Variants in CD226 observed in about 807,000 individuals in gnomAD.
CD226 encodes CD226 molecule.
A neutral mutation model predicts 34.9 loss-of-function variants in CD226; 24 were observed. The observed-to-expected ratio is 0.69, with a 90% confidence interval of 0.50 to 0.97. CD226 has a LOEUF of 0.97. Ranked by LOEUF, CD226 falls within the 50% of genes least tolerant of loss-of-function variation. CD226 has a pLI of 0.00. For missense variants in CD226, 397 were observed against 412.7 expected (o/e 0.96, Z 0.33); for synonymous variants, 148 against 147.4 (o/e 1.00, Z -0.03).
At chr18:69,888,410 CTTTCTCTTTTTTTT>C (rs1406615926) in intron 3 of CD226, among the ~76,000 whole-genome samples, 1 of 134,126 alleles carries the variant, frequency 7.5e-6, no homozygotes, top group Non-Finnish European at 1.6e-5. Flanking sequence ...TATTTTTTTC[CTTTCTCTTTTTTTT>C]TTTTTTTTTT....
At chr18:69,869,215 G>A (rs893404400) in intron 4 of CD226, among the ~76,000 whole-genome samples, 4 of 152,128 alleles carry the variant, frequency 2.6e-5, no homozygotes, top group African/African-American at 9.7e-5. Context: ...TGTGTTCATT[G>A]CAGCACTATT....
chr18:69,880,248 A>T (rs956382777), intron 3 of CD226, among the ~76,000 whole-genome samples: 5 of 149,378 alleles, frequency 3.3e-5, no homozygotes, highest in African/African-American at 1.2e-4. Context: ...GAAAGGAAGT[A>T]AGGAAGGCGG....
chr18:69,932,815 C>G (rs1056851585), intron 2 of CD226, among the ~76,000 whole-genome samples: 6 of 152,138 alleles, frequency 3.9e-5, no homozygotes, highest in Non-Finnish European at 7.4e-5. Context: ...ACGACCCACT[C>G]CTAGCTCCAC....
chr18:69,958,988 C>T (rs745575612), upstream of CD226, among the ~76,000 whole-genome samples: 20 of 152,042 alleles, frequency 1.3e-4, no homozygotes, highest in African/African-American at 1.7e-4. Flanking sequence ...CTCTTGGAGG[C>T]TCTCGAAATA....
chr18:69,948,073 T>G (rs1056556022), upstream of CD226, among the ~76,000 whole-genome samples: 2 of 152,308 alleles, frequency 1.3e-5, no homozygotes, highest in East Asian at 3.9e-4. Context: ...TCTACCATTA[T>G]GAGAGATTTA....
intron 3 of CD226, among the ~76,000 whole-genome samples, chr18:69,878,141 T>TGAAGCCCTTTTCTTTAAAAAG (rs941110569): frequency 1.3e-5 from 2 of 152,370 alleles, no homozygotes; most frequent in African/African-American, 2.4e-5. Context: ...ATGTCAGCCC[T>TGAAGCCCTTTTCTTTAAAAAG]GAAGCCCTTT....
At chr18:69,887,591 T>G (rs1353327341) in intron 3 of CD226, among the ~76,000 whole-genome samples, 1 of 152,224 alleles carries the variant, frequency 6.6e-6, no homozygotes, top group East Asian at 1.9e-4. Context: ...TTTTTTTTAT[T>G]GTTTCACTCA....
chr18:69,946,520 C>T (rs1021079594), intron 2 of CD226, among the ~76,000 whole-genome samples: 1 of 152,096 alleles, frequency 6.6e-6, no homozygotes, highest in African/African-American at 2.4e-5. Flanking sequence ...ATTTGAAAGG[C>T]ACTTCTACTC....
intron 1 of CD226, among the ~76,000 whole-genome samples, chr18:69,955,112 G>A (rs2055885491): frequency 6.6e-6 from 1 of 151,532 alleles, no homozygotes; most frequent in African/African-American, 2.4e-5. Flanking sequence ...CTCCTAGGTG[G>A]CCTGGGTGGG....
chr18:69,926,719 G>A (rs996318144), intron 2 of CD226, among the ~76,000 whole-genome samples: 1 of 152,142 alleles, frequency 6.6e-6, no homozygotes, highest in Non-Finnish European at 1.5e-5. Context: ...TATTATATAG[G>A]ATCTTTGTAT....
At chr18:69,927,385 CACAA>C (rs1470160907) in intron 2 of CD226, among the ~76,000 whole-genome samples, 2 of 151,240 alleles carry the variant, frequency 1.3e-5, no homozygotes, top group East Asian at 1.9e-4. Flanking sequence ...CACACACACA[CACAA>C]ACACACACAC....
intron 3 of CD226, among the ~76,000 whole-genome samples, chr18:69,881,916 A>G (rs1984288655): frequency 6.6e-6 from 1 of 152,198 alleles, no homozygotes; most frequent in East Asian, 1.9e-4. Flanking sequence ...TTCAAAGGTC[A>G]ACTTTCTTTG....
rs1164324473 is a variant in CD226, at chr18:69,947,005, A to G, written c.111T>C (p.Cys37=). 2.5e-6 allele frequency: 4 copies of G among 1,614,222 alleles called. No individual in the cohort carries two copies. The African/African-American group carries it at 4.0e-5, about 16-fold the overall frequency. The part of the protein sequence containing the change: ...VPFAENMSLE[C]VYPSMGILTQ... ...TTAAGATGCCCATTGATGGATACAC[A>G]CATTCTAGAGACATGTTCTCGGCAA... Residue 37 remains cysteine (C), a synonymous_variant, in exon 2 of 6, where the codon TGT becomes TGC. Transcript: ENST00000582621.
At chr18:69,885,429 G>A (rs1010987555) in intron 3 of CD226, among the ~76,000 whole-genome samples, 21 of 152,200 alleles carry the variant, frequency 1.4e-4, no homozygotes, top group African/African-American at 4.3e-4. Context: ...ACAAGAGCAA[G>A]AGAGCAGGAT....
chr18:69,877,697 T>C (rs1162925851), intron 3 of CD226, among the ~76,000 whole-genome samples: 2 of 152,288 alleles, frequency 1.3e-5, no homozygotes, highest in South Asian at 2.1e-4. Context: ...ACAAGGACCA[T>C]GTGAATTTTG....
At chr18:69,928,569 A>C (rs2055551864) in intron 2 of CD226, among the ~76,000 whole-genome samples, 1 of 152,190 alleles carries the variant, frequency 6.6e-6, no homozygotes, top group Non-Finnish European at 1.5e-5. Flanking sequence ...AAGAATGAGT[A>C]CAGGTTGAGT....
chr18:69,880,796 C>T (rs1202331262), intron 3 of CD226, among the ~76,000 whole-genome samples: 4 of 151,718 alleles, frequency 2.6e-5, no homozygotes, highest in African/African-American at 4.8e-5. Context: ...GGACTACAGG[C>T]GCCCGCCACA....
intron 2 of CD226, among the ~76,000 whole-genome samples, chr18:69,928,825 G>A (rs1475317450): frequency 5.3e-5 from 8 of 152,186 alleles, no homozygotes; most frequent in African/African-American, 1.9e-4. Context: ...GAAAGAGTAA[G>A]GGAAAGAAAA....
chr18:69,916,592 C>A (rs758796842), intron 2 of CD226, among the ~76,000 whole-genome samples: 1 of 152,152 alleles, frequency 6.6e-6, no homozygotes, highest in Non-Finnish European at 1.5e-5. Context: ...GATGTTTAGA[C>A]AAGCATCAAA....
Sources: allele counts gnomAD v4.1 joint callset (sites outside exome capture counted in the v4.1 genomes callset), GRCh38; gene constraint gnomAD v4.1.1; transcripts MANE v1.5; gene names NCBI Gene and HGNC (gene_info 2026-07-23, HGNC 2026-07-21).